The following SEMA6D variants were observed in gnomAD, a reference collection of about 807,000 sequenced individuals.
SEMA6D encodes semaphorin 6D.
In SEMA6D, 35 loss-of-function variants were observed where a neutral mutation model predicts 106.6. That is an observed-to-expected ratio of 0.33 (90% CI 0.25 to 0.44). The LOEUF (loss-of-function observed/expected upper bound fraction) is 0.44. Among genes scored for constraint, SEMA6D ranks in the 20% least tolerant of loss-of-function variants. The pLI is 1.00. For synonymous variants in SEMA6D, 499 were observed against 487.7 expected (o/e 1.02, Z -0.31); for missense variants, 1,185 against 1,345.9 (o/e 0.88, Z 1.87).
At chr15:47,238,455 C>T (rs2032695962) in intron 1 of SEMA6D, among the ~76,000 whole-genome samples, 1 of 152,060 alleles carries the variant, frequency 6.6e-6, no homozygotes, top group Admixed American at 6.6e-5. Flanking sequence ...ATAGCAGAAA[C>T]TTAAACTTAG....
intron 3 of SEMA6D, among the ~76,000 whole-genome samples, chr15:47,521,946 C>G (rs1173578332): frequency 6.6e-6 from 1 of 150,872 alleles, no homozygotes; most frequent in Non-Finnish European, 1.5e-5. Flanking sequence ...GATGGCGCCA[C>G]TGCACTCCAG....
At chr15:47,422,925 C>T (rs1308566336) in intron 2 of SEMA6D, among the ~76,000 whole-genome samples, 1 of 151,924 alleles carries the variant, frequency 6.6e-6, no homozygotes, top group African/African-American at 2.4e-5. Flanking sequence ...ACATTATCAT[C>T]AAAACAACTC....
intron 4 of SEMA6D, among the ~76,000 whole-genome samples, chr15:47,690,118 C>T (rs530185670): frequency 1.5e-3 from 235 of 152,286 alleles, no homozygotes; most frequent in Non-Finnish European, 1.5e-3. Context: ...CGCTGCCCAT[C>T]TGCAGACATG....
intron 1 of SEMA6D, among the ~76,000 whole-genome samples, chr15:47,269,702 CAT>C (rs1426886997): frequency 1.1e-4 from 17 of 152,014 alleles, no homozygotes; most frequent in Non-Finnish European, 2.2e-4. Context: ...ACTGACAAGA[CAT>C]ATGGAAATAG....
At chr15:47,347,831 T>A (rs1363804034) in intron 1 of SEMA6D, among the ~76,000 whole-genome samples, 2 of 152,162 alleles carry the variant, frequency 1.3e-5, no homozygotes, top group Non-Finnish European at 2.9e-5. Context: ...TAATAATAAT[T>A]TAGTGTGAAT....
At chr15:47,455,539 C>T (rs1038810555) in intron 2 of SEMA6D, among the ~76,000 whole-genome samples, 1 of 151,888 alleles carries the variant, frequency 6.6e-6, no homozygotes, top group Non-Finnish European at 1.5e-5. Context: ...CACTAGTCAA[C>T]TCTGATACAC....
chr15:47,405,032 C>A (rs548141926), intron 1 of SEMA6D, among the ~76,000 whole-genome samples: 1 of 152,174 alleles, frequency 6.6e-6, no homozygotes, highest in African/African-American at 2.4e-5. Flanking sequence ...TAGGAAATGT[C>A]CCTAGGGGGA....
At chr15:47,242,104 A>G (rs928717036) in intron 1 of SEMA6D, among the ~76,000 whole-genome samples, 1 of 152,124 alleles carries the variant, frequency 6.6e-6, no homozygotes, top group Non-Finnish European at 1.5e-5. Flanking sequence ...TGGAATAAAG[A>G]TAATTTCTTT....
In SEMA6D at chr15:47,767,094, G is replaced by A. The variant is rs2082385247; in HGVS notation, c.1765+1G>A. The A allele has an allele frequency of 6.4e-7, 1 of 1,562,728 alleles. No homozygotes were observed. Among genetic ancestry groups the A allele is most frequent in the Non-Finnish European group, 8.7e-7 (1 of 1,151,748 alleles). ...AAAATATTTGGCGGTCCAACATCTG[G>A]TTAGTTTTTTTTAATTTTTTTGAAT... On this transcript the variant is annotated splice_donor_variant, in intron 17 of 18. Coordinates refer to ENST00000536845, the MANE Select transcript of SEMA6D (RefSeq NM_001358351.3). LOFTEE classifies it high-confidence loss of function.
At chr15:47,472,379 G>T (rs1335564444) in intron 3 of SEMA6D, among the ~76,000 whole-genome samples, 1 of 152,154 alleles carries the variant, frequency 6.6e-6, no homozygotes. Context: ...AAGTCCACAT[G>T]CCCTAATTAT....
intron 1 of SEMA6D, among the ~76,000 whole-genome samples, chr15:47,246,007 A>G (rs2033174799): frequency 6.6e-6 from 1 of 152,160 alleles, no homozygotes; most frequent in South Asian, 2.1e-4. Flanking sequence ...ATGGTTTCTC[A>G]CGACCTTTCC....
intron 1 of SEMA6D, among the ~76,000 whole-genome samples, chr15:47,260,861 A>G (rs1173554380): frequency 2.0e-5 from 3 of 152,128 alleles, no homozygotes; most frequent in Non-Finnish European, 2.9e-5. Flanking sequence ...ATCTGGTGTT[A>G]TCAGAGGGAC....
intron 3 of SEMA6D, among the ~76,000 whole-genome samples, chr15:47,542,883 A>G (rs1341695366): frequency 6.6e-6 from 1 of 152,130 alleles, no homozygotes; most frequent in Non-Finnish European, 1.5e-5. Context: ...TCTTCCTAGC[A>G]ATGACTGTGC....
chr15:47,447,956 A>T (rs1486053043), intron 2 of SEMA6D, among the ~76,000 whole-genome samples: 1 of 152,144 alleles, frequency 6.6e-6, no homozygotes, highest in Non-Finnish European at 1.5e-5. Context: ...ACCCTTACAC[A>T]TTTGGTCACA....
At chr15:47,263,451 C>CTCAT (rs994539350) in intron 1 of SEMA6D, among the ~76,000 whole-genome samples, 1 of 152,030 alleles carries the variant, frequency 6.6e-6, no homozygotes, top group African/African-American at 2.4e-5. Flanking sequence ...GGAAAAAAGG[C>CTCAT]TCATTACTGA....
At chr15:47,193,522 G>A (rs993383505) in intron 1 of SEMA6D, among the ~76,000 whole-genome samples, 7 of 152,140 alleles carry the variant, frequency 4.6e-5, no homozygotes, top group South Asian at 2.1e-4. Flanking sequence ...TGTCAAGGCC[G>A]AAATTGGATT....
At chr15:47,371,606 A>G (rs1470637130) in intron 1 of SEMA6D, among the ~76,000 whole-genome samples, 1 of 152,158 alleles carries the variant, frequency 6.6e-6, no homozygotes, top group Admixed American at 6.5e-5. Context: ...GCTATCACAT[A>G]TGCACTATTT....
At chr15:47,405,777 C>A (rs938029565) in intron 1 of SEMA6D, among the ~76,000 whole-genome samples, 1 of 152,162 alleles carries the variant, frequency 6.6e-6, no homozygotes, top group Non-Finnish European at 1.5e-5. Context: ...TTCTCTCAAT[C>A]ATTCTTTAGA....
At chr15:47,564,739 A>G (rs2046180450) in intron 3 of SEMA6D, among the ~76,000 whole-genome samples, 1 of 152,108 alleles carries the variant, frequency 6.6e-6, no homozygotes, top group Non-Finnish European at 1.5e-5. Context: ...GAGAACTTAT[A>G]TCCCTGTTTT....
Sources: gnomAD v4.1 joint callset for allele counts (sites outside exome capture counted in the v4.1 genomes callset) on GRCh38, gnomAD v4.1.1 for gene constraint, MANE v1.5 for transcripts, NCBI Gene and HGNC (gene_info 2026-07-23, HGNC 2026-07-21) for gene names.